Variants in BEAN1 observed in about 807,000 individuals in gnomAD.
BEAN1 encodes the protein brain expressed associated with NEDD4 1, also known as protein BEAN1.
BEAN1 carries 17 observed loss-of-function variants against 17.7 expected under a neutral mutation model. The observed-to-expected ratio is 0.96, with a 90% confidence interval of 0.66 to 1.44. The LOEUF is 1.44. Among genes scored for constraint, BEAN1 ranks in the 40% most tolerant of loss-of-function variants. BEAN1 has a pLI of 0.00. For missense variants in BEAN1, 359 were observed against 374.1 expected (o/e 0.96, Z 0.33); for synonymous variants, 142 against 151.8 (o/e 0.94, Z 0.47).
chr16:66,477,462 G>A, intron 3 of BEAN1, 98 bp from the exon 4 acceptor site: 1 of 1,269,072 alleles, frequency 7.9e-7, no homozygotes, highest in Non-Finnish European at 1.0e-6. Flanking sequence ...GTCAGGTGGG[G>A]AATCAGAGCC....
rs1964135303 is a variant in BEAN1, at chr16:66,489,436, C to G, written c.148-3526C>G. 7.2e-5 allele frequency among the ~76,000 whole-genome samples: 11 copies of G among 152,104 alleles called. No individual in the cohort carries two copies. In the South Asian group the frequency reaches 2.3e-3, roughly 32 times the overall value. ...TTAGCATTCTCTCACATGAATCTGC[C>G]CTGGGCCTTACCTGTGTCTTCATTT... On this transcript the variant is annotated intron_variant, in intron 4 of 4. Coordinates refer to the BEAN1 transcript ENST00000561796.
exon 5 of BEAN1, chr16:66,493,247 C>G (rs1212154224): frequency 1.4e-6 from 1 of 702,998 alleles, no homozygotes. Flanking sequence ...GCTGGTGAAG[C>G]CCTGCAGCTG....
At chr16:66,477,981 C>A in intron 4 of BEAN1, 1 of 319,220 alleles carries the variant, frequency 3.1e-6, no homozygotes, top group Non-Finnish European at 5.7e-6. Context: ...GGGAATGCCC[C>A]TGCAGTTTCA....
At chr16:66,493,279 C>A (rs1180769652) in exon 5 of BEAN1, 2 of 702,582 alleles carry the variant, frequency 2.8e-6, no homozygotes, top group South Asian at 3.0e-5. Flanking sequence ...TTCAGCCAGG[C>A]CCAGGTTCCG....
intron 4 of BEAN1, among the ~76,000 whole-genome samples, chr16:66,491,327 T>C (rs182282521): frequency 6.6e-6 from 1 of 152,318 alleles, no homozygotes; most frequent in East Asian, 1.9e-4. Context: ...TTCCTGGAGC[T>C]GATCTCTGTC....
intron 2 of BEAN1, among the ~76,000 whole-genome samples, chr16:66,448,791 C>T (rs1227343300): frequency 1.3e-5 from 2 of 151,940 alleles, no homozygotes; most frequent in African/African-American, 2.4e-5. Flanking sequence ...CCACTGCACT[C>T]GGGCAACAGA....
chr16:66,469,760 G>T lies in BEAN1; in HGVS notation c.184G>T (p.Asp62Tyr). The change falls in exon 3 of 5, where the codon GAC (aspartate) becomes TAC (tyrosine). Residue 62 changes from aspartate to tyrosine, a missense_variant. Coordinates refer to ENST00000536005, the MANE Select transcript of BEAN1 (RefSeq NM_001178020.3). ...CATCATTGTGGGCAGCATCCGCAGG[G>T]ACAGGCAGGCCCGGCTTCAGCGGCA... ...ITIIVGSIRR[D>Y]RQARLQRHRH... 23 of 1,536,140 alleles carry T rather than the reference G, an allele frequency of 1.5e-5. No individual in the cohort carries two copies. The highest frequency in any genetic ancestry group is 1.9e-5 in the Non-Finnish European group (22 of 1,146,914).
rs899538344 is a variant in BEAN1 at position 66,477,549 on chromosome 16, G to C, written c.290-11G>C. On this transcript the variant is annotated splice_polypyrimidine_tract_variant and intron_variant, in intron 3 of 4. Transcript: ENST00000536005. Reference sequence around the variant, plus strand: ...GGTCTGAGGCCCAGGCCGGTGGTCTGTTCCCTGCAGTGTCGGACGAGCACA... The same window carrying C: ...GGTCTGAGGCCCAGGCCGGTGGTCTCTTCCCTGCAGTGTCGGACGAGCACA... The C allele has an allele frequency of 2.6e-6, 4 of 1,534,944 alleles. No individual in the cohort carries two copies. The highest frequency in any genetic ancestry group is 3.5e-6 in the Non-Finnish European group (4 of 1,141,282).
At chr16:66,478,001 C>A in intron 4 of BEAN1, 1 of 275,402 alleles carries the variant, frequency 3.6e-6, no homozygotes, top group South Asian at 9.2e-5. Context: ...AGGGGAGGTT[C>A]CGTGGCAGCT....
At chr16:66,456,694 G>A (rs1453809379) in intron 2 of BEAN1, among the ~76,000 whole-genome samples, 1 of 152,152 alleles carries the variant, frequency 6.6e-6, no homozygotes, top group Non-Finnish European at 1.5e-5. Flanking sequence ...GCAGAAATAG[G>A]GAAAAGTAAT....
At chr16:66,446,288 G>C (rs896545871) in intron 2 of BEAN1, among the ~76,000 whole-genome samples, 5 of 152,182 alleles carry the variant, frequency 3.3e-5, no homozygotes, top group Admixed American at 2.0e-4. Context: ...GATCAGATTT[G>C]AAGGTGAAAC....
At chr16:66,477,212 C>G (rs1250675579) in intron 3 of BEAN1, among the ~76,000 whole-genome samples, 1 of 152,162 alleles carries the variant, frequency 6.6e-6, no homozygotes, top group Non-Finnish European at 1.5e-5. Context: ...TCCCTGACTT[C>G]CAGACTGGTC....
intron 2 of BEAN1, among the ~76,000 whole-genome samples, chr16:66,453,722 T>C (rs1318201639): frequency 6.8e-6 from 1 of 146,674 alleles, no homozygotes; most frequent in African/African-American, 2.6e-5. Context: ...TTTAGAAGCA[T>C]GTAGTTTAAT....
intron 3 of BEAN1, among the ~76,000 whole-genome samples, chr16:66,472,506 C>G (rs1963522956): frequency 6.6e-6 from 1 of 152,166 alleles, no homozygotes; most frequent in Non-Finnish European, 1.5e-5. Context: ...GAGTTCAAGA[C>G]CAGCCTGGCC....
intron 2 of BEAN1, among the ~76,000 whole-genome samples, chr16:66,444,978 C>T (rs1235545575): frequency 2.6e-5 from 4 of 152,236 alleles, no homozygotes; most frequent in African/African-American, 9.6e-5. Context: ...CAGGCATCCT[C>T]TTCCATTCAT....
intron 2 of BEAN1, among the ~76,000 whole-genome samples, chr16:66,442,065 C>T (rs868175252): frequency 6.6e-6 from 1 of 152,246 alleles, no homozygotes; most frequent in Non-Finnish European, 1.5e-5. Context: ...CCCAGGGCAG[C>T]CCAGAGGGGT....
At chr16:66,474,634 GA>G (rs1963654822) in intron 3 of BEAN1, among the ~76,000 whole-genome samples, 1 of 58,726 alleles carries the variant, frequency 1.7e-5, no homozygotes, top group Non-Finnish European at 3.5e-5. Context: ...GGGAGGGAGG[GA>G]GGGAGGGAGG....
downstream of BEAN1, chr16:66,485,543 A>G (rs1393651379): frequency 2.4e-5 from 5 of 207,530 alleles, no homozygotes; most frequent in Admixed American, 1.6e-4. Context: ...AACTCTCTGG[A>G]GCCCAGGACT....
In BEAN1 at chr16:66,427,694, G is replaced by A. The variant is rs895522511; in HGVS notation, c.-83+263G>A. 2.6e-4 allele frequency: 39 copies of A among 152,232 alleles called. No individual in the cohort carries two copies. Among genetic ancestry groups the A allele is most frequent in the African/African-American group, 9.1e-4 (38 of 41,562 alleles). The allele number at this position is 152,232 out of a possible 1,614,324, so 9.4% of individuals were successfully genotyped here. On this transcript the variant is annotated intron_variant, in intron 1 of 4. Coordinates refer to ENST00000536005, the MANE Select transcript of BEAN1 (RefSeq NM_001178020.3). The surrounding 1 kb of genome is among the most constrained non-coding windows in gnomAD (Gnocchi z 4.7). ...GCGAGCCGAGGCTGACCCTGATCGC[G>A]CCCTCGGGCCTCGGGGAAGGGGAGG...
Sources: allele counts gnomAD v4.1 joint callset (sites outside exome capture counted in the v4.1 genomes callset), GRCh38; gene constraint gnomAD v4.1.1; non-coding constraint Gnocchi (gnomAD v3.1); transcripts MANE v1.5; gene names NCBI Gene and HGNC (gene_info 2026-07-23, HGNC 2026-07-21).